The following PCDHA11 variants were observed in gnomAD, a reference collection of about 807,000 sequenced individuals.
PCDHA11 encodes the protein protocadherin alpha-11.
PCDHA11 carries 61 observed loss-of-function variants against 70.3 expected under a neutral mutation model. The ratio of observed to expected loss-of-function variants is 0.87; its 90% CI spans 0.71 to 1.07. The LOEUF is 1.07. PCDHA11 is among the 50% of genes least tolerant of loss of function. The probability of loss-of-function intolerance (pLI) is 0.00; values close to 1 mark genes in which losing one functional copy is unlikely to be tolerated. For missense variants in PCDHA11, 1,324 were observed against 1,237.5 expected (o/e 1.07, Z -1.05); for synonymous variants, 633 against 555.1 (o/e 1.14, Z -1.97).
chr5:140,876,699 G>A, intron 1 of PCDHA11: 1 of 1,614,228 alleles, frequency 6.2e-7, no homozygotes, highest in Non-Finnish European at 8.5e-7. Context: ...CGTTGGTGCT[G>A]GACAGCGCCC....
At position 141,009,997 on chromosome 5, in the gene PCDHA11, A is replaced by C; in HGVS notation, c.*60A>C. 1 of 1,576,442 alleles carries C rather than the reference A, an allele frequency of 6.3e-7. No individual in the cohort carries two copies. The highest frequency in any genetic ancestry group is 2.2e-5 in the East Asian group (1 of 44,650). On this transcript the variant is annotated 3_prime_UTR_variant, in exon 4 of 4. Transcript: ENST00000398640. ...TTTGTAATAATGGCAAATCTCTCCC[A>C]TGTAGCAATTCCCTGCTCCTTTTTC...
At chr5:140,904,436 T>C (rs1554191522) in intron 1 of PCDHA11, among the ~76,000 whole-genome samples, 1 of 151,240 alleles carries the variant, frequency 6.6e-6, no homozygotes, top group Admixed American at 6.6e-5. Flanking sequence ...TATATATGTA[T>C]ATTACAATTT....
At chr5:140,882,000 G>A in intron 1 of PCDHA11, 1 of 477,842 alleles carries the variant, frequency 2.1e-6, no homozygotes, top group Non-Finnish European at 3.5e-6. Flanking sequence ...GGAAATGCAA[G>A]GGGCAAAAAA....
At chr5:140,994,325 A>G (rs879964488) in intron 3 of PCDHA11, among the ~76,000 whole-genome samples, 8 of 152,190 alleles carry the variant, frequency 5.3e-5, no homozygotes, top group African/African-American at 7.2e-5. Flanking sequence ...ACTCTCAGCA[A>G]CCATGAACAG....
At chr5:140,936,987 T>C (rs996790487) in intron 1 of PCDHA11, among the ~76,000 whole-genome samples, 1 of 152,170 alleles carries the variant, frequency 6.6e-6, no homozygotes, top group Non-Finnish European at 1.5e-5. Context: ...CTTGTTAACA[T>C]TGACAATATT....
chr5:140,926,919 A>C (rs782148872), intron 1 of PCDHA11: 2 of 1,566,668 alleles, frequency 1.3e-6, no homozygotes, highest in South Asian at 2.4e-5. Flanking sequence ...TGGCAGTTTT[A>C]TGTTTGTGGG....
At chr5:140,881,042 G>A (rs2058565950) in intron 1 of PCDHA11, among the ~76,000 whole-genome samples, 1 of 152,208 alleles carries the variant, frequency 6.6e-6, no homozygotes, top group Non-Finnish European at 1.5e-5. Context: ...TTCCTATAGA[G>A]TTGTGCACAG....
In PCDHA11 at chr5:140,870,534, G is replaced by T. The variant is rs547039725; in HGVS notation, c.1431G>T (p.Ser477=). 12 of 1,614,150 alleles carry T rather than the reference G, an allele frequency of 7.4e-6. No homozygotes were observed. The highest frequency in any genetic ancestry group is 1.0e-5 in the Non-Finnish European group (12 of 1,180,034). The part of the protein sequence containing the change: ...NPPGCHIFTV[S]ARDADAQENA... ...CAGGCTGCCACATCTTCACAGTGTC[G>T]GCGCGGGACGCGGACGCGCAGGAGA... Residue 477 remains serine, a synonymous_variant, in exon 1 of 4, where the codon TCG becomes TCT. Transcript: ENST00000398640.
chr5:140,941,467 C>G (rs1290341607), intron 1 of PCDHA11, among the ~76,000 whole-genome samples: 4 of 151,456 alleles, frequency 2.6e-5, no homozygotes, highest in Non-Finnish European at 5.9e-5. Context: ...AGGCGCCCAC[C>G]ACCACGCCTG....
At chr5:140,892,021 G>T (rs2063355611) in intron 1 of PCDHA11, among the ~76,000 whole-genome samples, 1 of 152,160 alleles carries the variant, frequency 6.6e-6, no homozygotes, top group Non-Finnish European at 1.5e-5. Context: ...AGCACAAATG[G>T]TCTAAGATAC....
intron 1 of PCDHA11, among the ~76,000 whole-genome samples, chr5:140,889,697 A>G (rs920897018): frequency 4.6e-5 from 7 of 152,294 alleles, no homozygotes; most frequent in Middle Eastern, 3.4e-3. Flanking sequence ...TATTATGGGC[A>G]TATTCCACAA....
chr5:140,982,661 T>C, intron 3 of PCDHA11, 98 bp downstream of exon 3: 1 of 1,482,624 alleles, frequency 6.7e-7, no homozygotes, highest in Admixed American at 2.6e-5. Flanking sequence ...TCTTTTTCTT[T>C]TATATTTTTG....
At chr5:140,969,553 G>T in intron 1 of PCDHA11, 1 of 1,229,652 alleles carries the variant, frequency 8.1e-7, no homozygotes, top group Non-Finnish European at 1.1e-6. Flanking sequence ...ATGAAGCCTT[G>T]TCCATAAAAT....
At chr5:140,927,525 T>C in intron 1 of PCDHA11, 1 of 1,614,088 alleles carries the variant, frequency 6.2e-7, no homozygotes, top group Non-Finnish European at 8.5e-7. Context: ...GCGGGCTACC[T>C]GCCCGCTCAG....
In PCDHA11 at chr5:140,957,188, C is replaced by T. The variant is rs374236292; in HGVS notation, c.2392-21761C>T. On this transcript the variant is annotated intron_variant, in intron 1 of 3. Transcript: ENST00000398640. ...GTATATAAATTGGTTTATTGATGAC[C>T]GATTGGGAATATAAATAGGCACAAA... is the stretch of plus-strand genomic sequence containing the variant. 2.1e-3 allele frequency among the ~76,000 whole-genome samples: 315 copies of T among 151,992 alleles called. 3 individuals carry two copies. The highest frequency in any genetic ancestry group is 7.3e-3 in the African/African-American group (304 of 41,464).
At chr5:140,877,311 G>A (rs200978234) in intron 1 of PCDHA11, 2 of 1,613,852 alleles carry the variant, frequency 1.2e-6, no homozygotes, top group Admixed American at 3.3e-5. Flanking sequence ...AGTTGCAACC[G>A]GCGGCGGTCG....
chr5:140,871,610 T>C (rs2053222652), intron 1 of PCDHA11, 116 bp downstream of exon 1: 1 of 1,429,404 alleles, frequency 7.0e-7, no homozygotes, highest in South Asian at 1.5e-5. Context: ...GTTTTGAATA[T>C]TGTTTTAGAT....
chr5:140,953,127 G>A (rs909395659), intron 1 of PCDHA11, among the ~76,000 whole-genome samples: 2 of 152,060 alleles, frequency 1.3e-5, no homozygotes, highest in African/African-American at 4.8e-5. Flanking sequence ...GATCTAAACC[G>A]TATCACTGTT....
intron 1 of PCDHA11, among the ~76,000 whole-genome samples, chr5:140,894,192 T>C (rs1554185971): frequency 4.6e-5 from 7 of 152,168 alleles, no homozygotes; most frequent in Non-Finnish European, 1.5e-5. Flanking sequence ...TTATATATTT[T>C]TTCTATGCTA....
Sources: gnomAD v4.1 joint callset for allele counts (sites outside exome capture counted in the v4.1 genomes callset) on GRCh38, gnomAD v4.1.1 for gene constraint, MANE v1.5 for transcripts, NCBI Gene and HGNC (gene_info 2026-07-23, HGNC 2026-07-21) for gene names.